Variants in SLC22A23 observed in about 807,000 individuals in gnomAD.
The protein encoded by SLC22A23 is ion transporter protein.
Under a neutral mutation model 61.0 loss-of-function variants are expected in SLC22A23, and 26 were observed. That is an observed-to-expected ratio of 0.43 (90% CI 0.31 to 0.59). The LOEUF (loss-of-function observed/expected upper bound fraction) is 0.59, where lower values mean the gene tolerates loss of function less well. Ranked by LOEUF, SLC22A23 falls within the 20% of genes least tolerant of loss-of-function variation. SLC22A23 has a pLI of 0.11. For missense variants in SLC22A23, 796 were observed against 934.7 expected (o/e 0.85, Z 1.94); for synonymous variants, 430 against 413.9 (o/e 1.04, Z -0.47).
At chr6:3,433,869 T>G (rs573215402) in intron 1 of SLC22A23, among the ~76,000 whole-genome samples, 68 of 152,282 alleles carry the variant, frequency 4.5e-4, no homozygotes, top group Non-Finnish European at 7.5e-4. Flanking sequence ...AGCGGTTGCC[T>G]AAGGGGTGGG....
At chr6:3,323,649 AAC>A (rs1339163819) in intron 4 of SLC22A23, 183 bp downstream of exon 4, 1 of 720,672 alleles carries the variant, frequency 1.4e-6, no homozygotes, top group East Asian at 2.7e-5. Flanking sequence ...TGTATATTTG[AAC>A]AGTTTTCCAA....
chr6:3,331,333 C>T (rs1763568327), intron 3 of SLC22A23, among the ~76,000 whole-genome samples: 1 of 152,236 alleles, frequency 6.6e-6, no homozygotes, highest in South Asian at 2.1e-4. Flanking sequence ...GAGCCTAGGA[C>T]TGTGCCTGAC....
intron 9 of SLC22A23, 89 bp from the exon 10 acceptor site, chr6:3,273,501 T>A: frequency 1.4e-6 from 2 of 1,415,390 alleles, no homozygotes; most frequent in Non-Finnish European, 1.9e-6. Context: ...AAGCCACCTC[T>A]GCAGGGGCCC....
In SLC22A23 at chr6:3,286,277, A is replaced by G. The variant is rs114446886; in HGVS notation, c.1546+582T>C. On this transcript the variant is annotated intron_variant, in intron 7 of 9. Transcript: ENST00000406686. This position sits in a 1 kb window ranked among gnomAD's most constrained non-coding sequence, Gnocchi z 4.2. ...CCAAGCCCAGCTAATTATTTTTTGT[A>G]TATTTAGTAGAGATGGGGTTTCACT... Among the ~76,000 whole-genome samples the G allele has an allele frequency of 3.7e-3, 555 of 151,908 alleles. 5 individuals are homozygous for G. The highest frequency in any genetic ancestry group is 0.013 in the African/African-American group (522 of 41,420).
At chr6:3,332,826 C>T (rs1763651360) in intron 3 of SLC22A23, among the ~76,000 whole-genome samples, 1 of 151,966 alleles carries the variant, frequency 6.6e-6, no homozygotes, top group East Asian at 1.9e-4. Context: ...TATCTTAATT[C>T]TCCTTCAGTC....
rs574016564 is a variant in SLC22A23 at position 3,330,706 on chromosome 6, C to A, written c.914-6704G>T. Among the ~76,000 whole-genome samples the A allele has an allele frequency of 6.6e-6, 1 of 152,326 alleles. No homozygotes were observed. Among genetic ancestry groups the A allele is most frequent in the East Asian group, 1.9e-4 (1 of 5,190 alleles). On this transcript the variant is annotated intron_variant, in intron 3 of 9. Transcript: ENST00000406686. This position sits in a 1 kb window ranked among gnomAD's most constrained non-coding sequence, Gnocchi z 4.7. ...TTGAGGGTATTCCTGTAAAAGCTTGCCATTACAGCTCTACATCTCCCCTTC... is the reference window on the plus strand; with the variant it reads ...TTGAGGGTATTCCTGTAAAAGCTTGACATTACAGCTCTACATCTCCCCTTC...
At chr6:3,296,986 G>A (rs989887025) in intron 5 of SLC22A23, among the ~76,000 whole-genome samples, 22 of 152,194 alleles carry the variant, frequency 1.4e-4, no homozygotes, top group Non-Finnish European at 2.4e-4. Flanking sequence ...CCCTGCACCT[G>A]TGCCCCTGGA....
At chr6:3,367,588 G>A (rs1041564290) in intron 3 of SLC22A23, among the ~76,000 whole-genome samples, 1 of 152,172 alleles carries the variant, frequency 6.6e-6, no homozygotes, top group East Asian at 1.9e-4. Flanking sequence ...TTACAGTCCG[G>A]AGAGGAAAAC....
chr6:3,307,385 A>G (rs1467969496), intron 4 of SLC22A23, among the ~76,000 whole-genome samples: 2 of 152,178 alleles, frequency 1.3e-5, no homozygotes, highest in Non-Finnish European at 2.9e-5. Context: ...CCCCTTCAGG[A>G]TGGTTAGAAG....
chr6:3,340,885 C>T (rs1254922950), intron 3 of SLC22A23, among the ~76,000 whole-genome samples: 1 of 152,174 alleles, frequency 6.6e-6, no homozygotes, highest in African/African-American at 2.4e-5. Flanking sequence ...ATTTAAAGGA[C>T]TCATGTCTTC....
chr6:3,277,548 T>C (rs930067615), intron 9 of SLC22A23, among the ~76,000 whole-genome samples: 1 of 152,216 alleles, frequency 6.6e-6, no homozygotes, highest in Non-Finnish European at 1.5e-5. Context: ...GCAGGCTCTC[T>C]TGGGCACTTC....
intron 1 of SLC22A23, among the ~76,000 whole-genome samples, chr6:3,422,968 A>G (rs1438747143): frequency 6.6e-6 from 1 of 152,160 alleles, no homozygotes; most frequent in East Asian, 1.9e-4. Flanking sequence ...CATATTTCTT[A>G]AACTTCACGT....
intron 3 of SLC22A23, among the ~76,000 whole-genome samples, chr6:3,332,424 T>C (rs1763632721): frequency 6.6e-6 from 1 of 152,216 alleles, no homozygotes; most frequent in Non-Finnish European, 1.5e-5. Context: ...ACTTAGTCTT[T>C]CCAAGTAAGT....
chr6:3,369,814 G>A (rs1218495343), intron 3 of SLC22A23, among the ~76,000 whole-genome samples: 2 of 152,228 alleles, frequency 1.3e-5, no homozygotes, highest in African/African-American at 2.4e-5. Flanking sequence ...GAATGTGTGT[G>A]CACACGCACA....
chr6:3,415,907 G>T, intron 1 of SLC22A23, 52 bp from the exon 2 acceptor site: 1 of 1,354,450 alleles, frequency 7.4e-7, no homozygotes, highest in Non-Finnish European at 1.0e-6. Flanking sequence ...CACAGAGCTA[G>T]TCGTACTCAA....
intron 3 of SLC22A23, among the ~76,000 whole-genome samples, chr6:3,325,034 G>A (rs142514980): frequency 9.4e-4 from 143 of 152,210 alleles, no homozygotes; most frequent in African/African-American, 3.3e-3. Context: ...GTGATTCTCC[G>A]GCAATATGCA....
intron 3 of SLC22A23, among the ~76,000 whole-genome samples, chr6:3,382,291 T>C (rs1229501724): frequency 6.6e-6 from 1 of 152,260 alleles, no homozygotes; most frequent in Admixed American, 6.5e-5. Flanking sequence ...AGCTAAACTC[T>C]GTCCCAGCCT....
intron 1 of SLC22A23, among the ~76,000 whole-genome samples, chr6:3,424,040 C>A (rs972943417): frequency 3.3e-5 from 5 of 152,180 alleles, no homozygotes; most frequent in African/African-American, 1.2e-4. Flanking sequence ...CTTGTTGTAA[C>A]AGGACCCTGT....
chr6:3,436,785 G>A (rs1234160170), intron 1 of SLC22A23, among the ~76,000 whole-genome samples: 1 of 152,150 alleles, frequency 6.6e-6, no homozygotes, highest in East Asian at 1.9e-4. Context: ...ATAAACATCT[G>A]AATGTTAACA....
Sources: allele counts gnomAD v4.1 joint callset (sites outside exome capture counted in the v4.1 genomes callset), GRCh38; gene constraint gnomAD v4.1.1; non-coding constraint Gnocchi (gnomAD v3.1); transcripts MANE v1.5; gene names NCBI Gene and HGNC (gene_info 2026-07-23, HGNC 2026-07-21).